The following ZNF605 variants were observed in gnomAD, a reference collection of about 807,000 sequenced individuals.
ZNF605 encodes the protein zinc finger protein 605.
Under a neutral mutation model 7.9 loss-of-function variants are expected in ZNF605, and 9 were observed. That is an observed-to-expected ratio of 1.14 (90% CI 0.68 to 1.98). ZNF605 has a LOEUF of 1.98. Ranked by LOEUF, ZNF605 falls within the 30% of genes most tolerant of loss-of-function variation. The pLI is 0.00. For synonymous variants in ZNF605, 255 were observed against 260.1 expected, an observed-to-expected ratio of 0.98 and a Z score of 0.19; for missense variants, 673 against 762.4, an observed-to-expected ratio of 0.88 and a Z score of 1.38.
chr12:132,945,120 T>TACTC, intron 3 of ZNF605: 1 of 380,868 alleles, frequency 2.6e-6, no homozygotes. Context: ...CCCGAGTAGC[T>TACTC]GGGAGGCTAA....
rs142700003 is a variant in ZNF605, at chr12:132,925,706, T to C, written c.1593A>G (p.Lys531=). 45 of 1,613,992 alleles carry C rather than the reference T, an allele frequency of 2.8e-5. No homozygotes were observed. In the African/African-American group the frequency reaches 5.7e-4, roughly 21 times the overall value. ...LRHQRIHTGE[K]PYECSECGKA... ...TCCCACATTCACTGCATTCATAGGG[T>C]TTCTCCCCTGTATGAATTCTCTGAT... The change falls in exon 5 of 5, where the codon AAA becomes AAG. Residue 531 remains lysine, a synonymous_variant. Coordinates refer to ENST00000360187, the MANE Select transcript of ZNF605 (RefSeq NM_183238.4).
At position 132,926,033 on chromosome 12, in the gene ZNF605, T is replaced by G; in HGVS notation, c.1266A>C (p.Gly422=). The stretch of plus-strand genomic sequence containing the variant: ...AGAAGGTTTTCCCACATTGAATGCA[T>G]CCATATGGTTTCTCTCCTAAGTGAA... ...QKIHLGEKPY[G]CIQCGKTFFG... Residue 422 remains glycine (G), a synonymous_variant, in exon 5 of 5, where the codon GGA becomes GGC. Coordinates refer to ENST00000360187, the MANE Select transcript of ZNF605 (RefSeq NM_183238.4). 1 of 1,614,172 alleles carries G rather than the reference T, an allele frequency of 6.2e-7. No individual in the cohort carries two copies. Among genetic ancestry groups the G allele is most frequent in the Middle Eastern group, 1.6e-4 (1 of 6,062 alleles).
Position 132,925,501 on chromosome 12 carries a change from T to C in ZNF605, c.1798A>G (p.Arg600Gly), listed in dbSNP as rs764179478. 14 of 1,614,234 alleles carry C rather than the reference T, an allele frequency of 8.7e-6. No individual in the cohort carries two copies. In the South Asian group the frequency reaches 1.3e-4, roughly 15 times the overall value. The change falls in exon 5 of 5, where the codon AGA becomes GGA. Residue 600 changes from arginine (R) to glycine (G), a missense_variant. Coordinates refer to ENST00000360187, the MANE Select transcript of ZNF605 (RefSeq NM_183238.4). ...TGATGCCTCATAAGGTGTGACTTTC[T>C]TGTGAAAGATTTCCCACATTCACCA... ...KCGECGKSFT[R>G]KSHLMRHQRI...
At chr12:132,942,239 C>T (rs763257459) in intron 3 of ZNF605, among the ~76,000 whole-genome samples, 9 of 152,178 alleles carry the variant, frequency 5.9e-5, no homozygotes, top group Non-Finnish European at 1.2e-4. Flanking sequence ...ATTTTTCAGA[C>T]CTGCTCCTAA....
chr12:132,928,348 C>G (rs1246426892), intron 4 of ZNF605, among the ~76,000 whole-genome samples: 1 of 152,118 alleles, frequency 6.6e-6, no homozygotes, highest in Non-Finnish European at 1.5e-5. Context: ...TCACTGATAT[C>G]AATAACTTCA....
intron 2 of ZNF605, among the ~76,000 whole-genome samples, chr12:132,946,243 A>G (rs1049264612): frequency 1.3e-5 from 2 of 152,272 alleles, no homozygotes; most frequent in African/African-American, 2.4e-5. Context: ...ACACCAACTT[A>G]CTTCTAGGCA....
chr12:132,944,673 G>A (rs1952480135), intron 3 of ZNF605: 1 of 152,202 alleles, frequency 6.6e-6, no homozygotes, highest in Non-Finnish European at 1.5e-5. Flanking sequence ...GAATTCTTTC[G>A]ATTCATGCCC....
At chr12:132,936,877 A>G (rs1442179530) in intron 3 of ZNF605, among the ~76,000 whole-genome samples, 3 of 152,240 alleles carry the variant, frequency 2.0e-5, no homozygotes, top group African/African-American at 7.2e-5. Context: ...CTTTTTCAAA[A>G]TTAAGAACTT....
At chr12:132,947,353 C>T (rs886365946) in intron 2 of ZNF605, among the ~76,000 whole-genome samples, 8 of 151,928 alleles carry the variant, frequency 5.3e-5, no homozygotes, top group African/African-American at 1.9e-4. Flanking sequence ...CTCTGTCACC[C>T]AGGCTGGAGT....
rs111276804 is a variant in ZNF605 at position 132,927,839 on chromosome 12, T to A, written c.137-677A>T. Among the ~76,000 whole-genome samples the A allele has an allele frequency of 4.8e-3, 722 of 151,782 alleles. 5 individuals are homozygous for A. The highest frequency in any genetic ancestry group is 0.017 in the African/African-American group (693 of 41,364). On this transcript the variant is annotated intron_variant, in intron 4 of 4. Coordinates refer to ENST00000360187, the MANE Select transcript of ZNF605 (RefSeq NM_183238.4). ...ACTTGGCTAATTTTTGTATTTTTAG[T>A]AGAGATGGGGTTTCACCACGTTAGC...
chr12:132,946,161 T>C (rs1952492484), intron 2 of ZNF605, among the ~76,000 whole-genome samples: 1 of 152,206 alleles, frequency 6.6e-6, no homozygotes, highest in African/African-American at 2.4e-5. Flanking sequence ...CCATGAGGAC[T>C]TATCCATTTG....
chr12:132,951,383 C>T (rs1243177862), intron 1 of ZNF605, among the ~76,000 whole-genome samples: 2 of 144,666 alleles, frequency 1.4e-5, no homozygotes, highest in Non-Finnish European at 3.0e-5. Context: ...CACACATATA[C>T]GTACACACAG....
rs1278768174 is a variant in ZNF605, at chr12:132,925,123, T to C, written c.*250A>G. 2.6e-6 allele frequency: 1 copy of C among 382,632 alleles called. No individual in the cohort carries two copies. The highest frequency in any genetic ancestry group is 4.0e-5 in the East Asian group (1 of 24,886). 23.7% of individuals were successfully genotyped at this position (382,632 alleles called of 1,614,324 possible). A position where few individuals can be genotyped will look rare whatever the true frequency, so the allele number is the denominator to read the frequency against. ...AGCTTCTCTACTATCACAACACTAA[T>C]AAGGTTTTCACCTCAATGAGTCATC... On this transcript the variant is annotated 3_prime_UTR_variant, in exon 5 of 5. Transcript: ENST00000360187.
Position 132,924,311 on chromosome 12 carries a change from A to G in ZNF605, c.*1062T>C, listed in dbSNP as rs892432935. The G allele has an allele frequency of 6.6e-6, 1 of 152,246 alleles. No homozygotes were observed. Among genetic ancestry groups the G allele is most frequent in the African/African-American group, 2.4e-5 (1 of 41,460 alleles). 9.4% of individuals were successfully genotyped at this position (152,246 alleles called of 1,614,324 possible). On this transcript the variant is annotated 3_prime_UTR_variant, in exon 5 of 5. Transcript: ENST00000360187. ...TTCTGAGAATTCTACCTGATGCTCC[A>G]TGTGTTTCCACTCTGTTTCCACTCT...
Position 132,925,100 on chromosome 12 carries a change from C to T in ZNF605, c.*273G>A, listed in dbSNP as rs550879206. ...TAATAAACTGACTTTTGACTAAAAG[C>T]TTCTCTACTATCACAACACTAATAA... On this transcript the variant is annotated 3_prime_UTR_variant, in exon 5 of 5. Transcript: ENST00000360187. 5.2e-5 allele frequency: 17 copies of T among 324,056 alleles called. No homozygotes were observed. The highest frequency in any genetic ancestry group is 3.6e-4 in the African/African-American group (17 of 46,894). 20.1% of individuals were successfully genotyped at this position (324,056 alleles called of 1,614,324 possible).
intron 1 of ZNF605, among the ~76,000 whole-genome samples, chr12:132,955,909 A>C (rs1593610772): frequency 6.8e-6 from 1 of 147,958 alleles, no homozygotes. Flanking sequence ...GTCTACAGCG[A>C]CCTCCATAGG....
At chr12:132,951,905 C>T (rs1249199891) in intron 1 of ZNF605, among the ~76,000 whole-genome samples, 1 of 151,844 alleles carries the variant, frequency 6.6e-6, no homozygotes, top group Non-Finnish European at 1.5e-5. Context: ...ACATCACACA[C>T]ATTCAAACAC....
intron 1 of ZNF605, among the ~76,000 whole-genome samples, chr12:132,954,955 C>T (rs957496573): frequency 1.3e-5 from 2 of 152,132 alleles, no homozygotes; most frequent in African/African-American, 4.8e-5. Context: ...AAACAAACCC[C>T]AGCCACTCGC....
At chr12:132,953,708 A>AG (rs1282830573) in intron 1 of ZNF605, among the ~76,000 whole-genome samples, 1 of 151,996 alleles carries the variant, frequency 6.6e-6, no homozygotes, top group Non-Finnish European at 1.5e-5. Context: ...TACAGGTGTG[A>AG]GCCACGGTGC....
Sources: allele counts gnomAD v4.1 joint callset (sites outside exome capture counted in the v4.1 genomes callset), GRCh38; gene constraint gnomAD v4.1.1; transcripts MANE v1.5; gene names NCBI Gene and HGNC (gene_info 2026-07-23, HGNC 2026-07-21).